The following MYO3A variants were observed in gnomAD, a reference collection of about 807,000 sequenced individuals.
The protein encoded by MYO3A is myosin-IIIa.
Under a neutral mutation model 192.7 loss-of-function variants are expected in MYO3A, and 180 were observed. The ratio of observed to expected loss-of-function variants is 0.93; its 90% CI spans 0.83 to 1.06. The LOEUF (loss-of-function observed/expected upper bound fraction) is 1.06, where lower values mean the gene tolerates loss of function less well. Ranked by LOEUF, MYO3A falls within the 50% of genes least tolerant of loss-of-function variation. MYO3A has a pLI of 0.00. For synonymous variants in MYO3A, 628 were observed against 645.3 expected (o/e 0.97, Z 0.41); for missense variants, 1,896 against 1,905.0 (o/e 1.00, Z 0.09).
At chr10:26,195,116 G>A (rs879771996) in intron 32 of MYO3A, among the ~76,000 whole-genome samples, 6 of 152,040 alleles carry the variant, frequency 3.9e-5, no homozygotes, top group East Asian at 1.9e-4. Context: ...AGCTCTAGGC[G>A]ATCACCAATC....
intron 6 of MYO3A, among the ~76,000 whole-genome samples, chr10:25,998,004 C>A (rs541935968): frequency 6.6e-6 from 1 of 152,208 alleles, no homozygotes; most frequent in Non-Finnish European, 1.5e-5. Flanking sequence ...TTCCCTTTTG[C>A]ACTGTAGGTG....
intron 14 of MYO3A, among the ~76,000 whole-genome samples, chr10:26,071,240 T>C (rs1835189082): frequency 6.6e-6 from 1 of 152,160 alleles, no homozygotes; most frequent in South Asian, 2.1e-4. Flanking sequence ...GCTACTCATA[T>C]ATGGTTTATT....
At chr10:26,099,933 C>G (rs570386499) in intron 17 of MYO3A, among the ~76,000 whole-genome samples, 12 of 152,216 alleles carry the variant, frequency 7.9e-5, no homozygotes, top group African/African-American at 1.9e-4. Flanking sequence ...CATAAAATGA[C>G]TTAGGGAGGA....
chr10:26,058,238 A>G (rs762112154), intron 10 of MYO3A, among the ~76,000 whole-genome samples: 2 of 152,138 alleles, frequency 1.3e-5, no homozygotes, highest in African/African-American at 4.8e-5. Flanking sequence ...GGACTCATAT[A>G]TGTAGTTTTT....
At chr10:25,964,041 CT>C (rs1029529572) in intron 4 of MYO3A, among the ~76,000 whole-genome samples, 5 of 152,008 alleles carry the variant, frequency 3.3e-5, no homozygotes, top group African/African-American at 1.2e-4. Context: ...TAAAATATTT[CT>C]TCTGGTAAGT....
chr10:26,073,549 C>T (rs1029859095), intron 14 of MYO3A, among the ~76,000 whole-genome samples: 3 of 43,308 alleles, frequency 6.9e-5, no homozygotes, highest in East Asian at 3.7e-4. Flanking sequence ...GCCGAGATTG[C>T]GCCACTGCAC....
At chr10:26,142,294 C>T (rs1268256417) in intron 20 of MYO3A, among the ~76,000 whole-genome samples, 1 of 152,224 alleles carries the variant, frequency 6.6e-6, no homozygotes, top group Admixed American at 6.5e-5. Flanking sequence ...GTGACTCCCC[C>T]ACATGCAAGC....
At chr10:26,049,927 G>C (rs534395475) in intron 10 of MYO3A, among the ~76,000 whole-genome samples, 4 of 151,968 alleles carry the variant, frequency 2.6e-5, no homozygotes, top group Admixed American at 6.6e-5. Context: ...ACCCACCTCA[G>C]CCTCCCAAAG....
chr10:26,055,478 A>G (rs1288664557), intron 10 of MYO3A, among the ~76,000 whole-genome samples: 1 of 152,104 alleles, frequency 6.6e-6, no homozygotes, highest in African/African-American at 2.4e-5. Flanking sequence ...CCAAGGGAGC[A>G]ATTAGTGGGG....
Position 26,154,625 on chromosome 10 carries a change from T to A in MYO3A, c.2716-121T>A. 9 of 815,076 alleles carry A rather than the reference T, an allele frequency of 1.1e-5. No individual in the cohort carries two copies. In the Admixed American group the frequency reaches 1.6e-4, roughly 15 times the overall value. The allele number at this position is 815,076 out of a possible 1,614,324, so 50.5% of individuals were successfully genotyped here. On this transcript the variant is annotated intron_variant, in intron 24 of 34. Coordinates refer to ENST00000642920, the MANE Select transcript of MYO3A (RefSeq NM_017433.5). ...ACCTAAAGGAAGAATATCAACATTT[T>A]GCTGTTTTACATATTTGAATGCATA...
intron 1 of MYO3A, among the ~76,000 whole-genome samples, chr10:25,934,777 C>G (rs1835937112): frequency 6.9e-6 from 1 of 145,210 alleles, no homozygotes; most frequent in Non-Finnish European, 1.5e-5. Context: ...GGGGGGATCT[C>G]GAGGAGGGAA....
At chr10:26,119,618 G>A (rs1838730867) in intron 17 of MYO3A, among the ~76,000 whole-genome samples, 1 of 152,102 alleles carries the variant, frequency 6.6e-6, no homozygotes, top group Non-Finnish European at 1.5e-5. Context: ...TGTAGGAGCT[G>A]GGCTGGAATA....
At chr10:26,107,588 A>G (rs1020388315) in intron 17 of MYO3A, among the ~76,000 whole-genome samples, 4 of 149,978 alleles carry the variant, frequency 2.7e-5, no homozygotes, top group South Asian at 2.1e-4. Flanking sequence ...TATGATAATT[A>G]TCTTTTTGAA....
intron 4 of MYO3A, among the ~76,000 whole-genome samples, chr10:25,987,716 G>T (rs773282113): frequency 6.6e-6 from 1 of 152,016 alleles, no homozygotes; most frequent in Non-Finnish European, 1.5e-5. Context: ...ATAGATGTTC[G>T]CATGGAAGCA....
chr10:26,072,189 ACCT>A (rs1835247671), intron 14 of MYO3A, among the ~76,000 whole-genome samples: 1 of 152,056 alleles, frequency 6.6e-6, no homozygotes, highest in Non-Finnish European at 1.5e-5. Flanking sequence ...ACCTCCTGTC[ACCT>A]CCTTTGACAT....
At chr10:26,038,085 G>A (rs1843136240) in intron 10 of MYO3A, among the ~76,000 whole-genome samples, 1 of 152,156 alleles carries the variant, frequency 6.6e-6, no homozygotes, top group Non-Finnish European at 1.5e-5. Context: ...CTAGTACCCT[G>A]CTGTTTGGGT....
chr10:25,983,666 A>G (rs879945597), intron 4 of MYO3A, among the ~76,000 whole-genome samples: 18 of 152,226 alleles, frequency 1.2e-4, no homozygotes, highest in Non-Finnish European at 2.2e-4. Flanking sequence ...GAAATCTAAA[A>G]GTTTGGAAAA....
intron 10 of MYO3A, among the ~76,000 whole-genome samples, chr10:26,064,941 G>C (rs1166947565): frequency 2.0e-5 from 3 of 152,186 alleles, no homozygotes; most frequent in Non-Finnish European, 1.5e-5. Flanking sequence ...GTCTGGAGTA[G>C]TAGTTATCAG....
chr10:26,039,568 T>C (rs1843224602), intron 10 of MYO3A, among the ~76,000 whole-genome samples: 1 of 152,102 alleles, frequency 6.6e-6, no homozygotes, highest in South Asian at 2.1e-4. Flanking sequence ...CATTACTTCA[T>C]ATTGGTCTGT....
Sources: allele counts gnomAD v4.1 joint callset (sites outside exome capture counted in the v4.1 genomes callset), GRCh38; gene constraint gnomAD v4.1.1; transcripts MANE v1.5; gene names NCBI Gene and HGNC (gene_info 2026-07-23, HGNC 2026-07-21).